The following TACC2 variants were observed in gnomAD, a reference collection of about 807,000 sequenced individuals.
TACC2 encodes transforming acidic coiled-coil-containing protein 2.
TACC2 carries 137 observed loss-of-function variants against 227.3 expected under a neutral mutation model. The ratio of observed to expected loss-of-function variants is 0.60; its 90% CI spans 0.52 to 0.69. The LOEUF is 0.69. TACC2 is among the 30% of genes least tolerant of loss of function. The probability of loss-of-function intolerance (pLI) is 0.00; values close to 1 mark genes in which losing one functional copy is unlikely to be tolerated. For missense variants in TACC2, 3,470 were observed against 3,694.4 expected, an observed-to-expected ratio of 0.94 and a Z score of 1.57; for synonymous variants, 1,523 against 1,487.5, an observed-to-expected ratio of 1.02 and a Z score of -0.55.
intron 3 of TACC2, among the ~76,000 whole-genome samples, chr10:122,061,000 CAAAA>C (rs1168443960): frequency 0.022 from 2,817 of 130,146 alleles, 82 homozygotes; most frequent in African/African-American, 0.083. Flanking sequence ...GACTCCATCT[CAAAA>C]AAAAAAAAAA....
intron 7 of TACC2, among the ~76,000 whole-genome samples, chr10:122,159,814 G>A (rs2092710802): frequency 6.6e-6 from 1 of 152,254 alleles, no homozygotes; most frequent in East Asian, 1.9e-4. Context: ...GAGTGTATGT[G>A]CTCGGGCTAA....
chr10:122,093,097 C>CTT (rs59323311), intron 5 of TACC2, among the ~76,000 whole-genome samples: 1 of 146,458 alleles, frequency 6.8e-6, no homozygotes, highest in African/African-American at 2.5e-5. Flanking sequence ...TTGTCTCTCT[C>CTT]TTTTTTTTTT....
intron 8 of TACC2, among the ~76,000 whole-genome samples, chr10:122,201,709 A>G (rs2094860100): frequency 6.6e-6 from 1 of 152,246 alleles, no homozygotes; most frequent in South Asian, 2.1e-4. Flanking sequence ...CACAGACCCC[A>G]GGCTGGTGGC....
intron 16 of TACC2, 77 bp from the exon 17 acceptor site, chr10:122,237,318 T>C (rs2095875809): frequency 1.4e-6 from 2 of 1,407,942 alleles, no homozygotes; most frequent in Non-Finnish European, 9.6e-7. Flanking sequence ...GGCCCATTCA[T>C]GAGAGGGTGA....
intron 7 of TACC2, among the ~76,000 whole-genome samples, chr10:122,193,751 G>C (rs981240161): frequency 6.6e-6 from 1 of 152,172 alleles, no homozygotes; most frequent in African/African-American, 2.4e-5. Flanking sequence ...TGCCAGGCTA[G>C]CTGTTCTCCA....
chr10:122,245,817 G>A (rs760325755), intron 19 of TACC2, among the ~76,000 whole-genome samples: 3 of 152,120 alleles, frequency 2.0e-5, no homozygotes, highest in Non-Finnish European at 4.4e-5. Context: ...CAAATGCCAG[G>A]AGATACAAAT....
chr10:122,121,821 C>A (rs2085866785), intron 5 of TACC2, among the ~76,000 whole-genome samples: 1 of 152,192 alleles, frequency 6.6e-6, no homozygotes, highest in Non-Finnish European at 1.5e-5. Flanking sequence ...CACGATTCCC[C>A]TGCTGGCTCT....
chr10:122,105,942 C>CTGTGTGTG (rs756793588), intron 5 of TACC2, among the ~76,000 whole-genome samples: 73 of 109,864 alleles, frequency 6.6e-4, no homozygotes, highest in South Asian at 3.9e-3. Context: ...CATTTTCTCT[C>CTGTGTGTG]TCTGTGTGTG....
At chr10:122,014,887 G>A (rs1329541638) in intron 1 of TACC2, among the ~76,000 whole-genome samples, 2 of 152,146 alleles carry the variant, frequency 1.3e-5, no homozygotes, top group African/African-American at 4.8e-5. Context: ...TTCCAAACCA[G>A]CTTTAGTTGC....
rs138040631 is a variant in TACC2 at position 122,099,250 on chromosome 10, C to T, written c.5573+10659C>T. ...AGTGACGAAGCAGCTGGTATTGAAA[C>T]ATACACATGGCCAGAGTTGGCAGAC... is the stretch of plus-strand genomic sequence containing the variant. On this transcript the variant is annotated intron_variant, in intron 5 of 22. Transcript: ENST00000369005. Among the ~76,000 whole-genome samples, 119 of 152,310 alleles carry T rather than the reference C, an allele frequency of 7.8e-4. 2 individuals are homozygous for T. The East Asian group carries it at 0.018, about 23-fold the overall frequency.
At chr10:122,214,771 G>A (rs180740009) in intron 9 of TACC2, among the ~76,000 whole-genome samples, 2 of 152,202 alleles carry the variant, frequency 1.3e-5, no homozygotes, top group South Asian at 4.2e-4. Context: ...AATCTTGTCT[G>A]TTTACCATGG....
At chr10:122,122,814 A>G (rs372637397) in intron 5 of TACC2, among the ~76,000 whole-genome samples, 1 of 152,216 alleles carries the variant, frequency 6.6e-6, no homozygotes, top group Non-Finnish European at 1.5e-5. Flanking sequence ...AAGTGCTTAC[A>G]ATGTGAGCTG....
intron 5 of TACC2, among the ~76,000 whole-genome samples, chr10:122,107,878 A>ATTTTTTTTTTTTTTTTTTT (rs1204393563): frequency 1.5e-4 from 13 of 88,448 alleles, no homozygotes; most frequent in Non-Finnish European, 2.7e-4. Flanking sequence ...ATATATATAT[A>ATTTTTTTTTTTTTTTTTTT]TATTTTTTTT....
At chr10:121,999,991 T>A (rs947239603) in intron 1 of TACC2, among the ~76,000 whole-genome samples, 4 of 152,184 alleles carry the variant, frequency 2.6e-5, no homozygotes, top group African/African-American at 9.7e-5. Context: ...CCAGTACAGA[T>A]GCAAGAGAAG....
chr10:122,114,176 T>C (rs2084195816), intron 5 of TACC2, among the ~76,000 whole-genome samples: 1 of 152,098 alleles, frequency 6.6e-6, no homozygotes, highest in Non-Finnish European at 1.5e-5. Flanking sequence ...ACGTGGGACA[T>C]TGAGGATCCT....
chr10:122,253,206 A>G (rs114459597), intron 22 of TACC2, among the ~76,000 whole-genome samples: 1,882 of 152,272 alleles, frequency 0.012, 36 homozygotes, highest in African/African-American at 0.043. Flanking sequence ...AAACATCCCC[A>G]GTATGCTGGA....
rs754669268 is a variant in TACC2 at position 122,210,758 on chromosome 10, T to A, written c.6333T>A (p.Asp2111Glu). 6.2e-6 allele frequency: 10 copies of A among 1,613,736 alleles called. No homozygotes were observed. Among genetic ancestry groups the A allele is most frequent in the Non-Finnish European group, 8.5e-6 (10 of 1,180,000 alleles). Residue 2111 changes from aspartate to glutamate, a missense_variant, in exon 9 of 23, where the codon GAT becomes GAA. Asp to Glu is a conservative substitution (Grantham distance 45). Transcript: ENST00000369005. This position sits in a 1 kb window ranked among gnomAD's most constrained non-coding sequence, Gnocchi z 4.6. Reference protein sequence around the residue: ...GNPEAVALAPDAYSTGSSSAS... With the variant: ...GNPEAVALAPEAYSTGSSSAS... ...CCGAGGCCGTGGCCCTTGCCCCAGA[T>A]GCATATAGCACGGGTTCCAGCAGTG...
At chr10:122,028,291 T>C (rs1958361352) in intron 2 of TACC2, among the ~76,000 whole-genome samples, 1 of 151,622 alleles carries the variant, frequency 6.6e-6, no homozygotes, top group African/African-American at 2.4e-5. Context: ...AGTTTCACTA[T>C]GTTGGCCAGG....
At chr10:122,134,430 C>T (rs900531570) in intron 6 of TACC2, among the ~76,000 whole-genome samples, 7 of 152,112 alleles carry the variant, frequency 4.6e-5, no homozygotes, top group Non-Finnish European at 8.8e-5. Flanking sequence ...CTGCCTGCCT[C>T]GGCCTCCCAA....
Sources: allele counts gnomAD v4.1 joint callset (sites outside exome capture counted in the v4.1 genomes callset), GRCh38; gene constraint gnomAD v4.1.1; non-coding constraint Gnocchi (gnomAD v3.1); transcripts MANE v1.5; gene names NCBI Gene and HGNC (gene_info 2026-07-23, HGNC 2026-07-21).